Variants in CCDC149 observed in about 807,000 individuals in gnomAD.
The protein encoded by CCDC149 is coiled-coil domain-containing protein 149.
CCDC149 carries 45 observed loss-of-function variants against 59.9 expected under a neutral mutation model. The observed-to-expected ratio is 0.75, with a 90% CI of 0.59 to 0.96. CCDC149 has a LOEUF of 0.96. Ranked by LOEUF, CCDC149 falls within the 40% of genes least tolerant of loss-of-function variation. The pLI is 0.00. For missense variants in CCDC149, 584 were observed against 664.7 expected, an observed-to-expected ratio of 0.88 and a Z score of 1.33; for synonymous variants, 245 against 260.6, an observed-to-expected ratio of 0.94 and a Z score of 0.58.
At chr4:24,936,337 A>G (rs1722778803) in intron 1 of CCDC149, among the ~76,000 whole-genome samples, 1 of 152,024 alleles carries the variant, frequency 6.6e-6, no homozygotes, top group African/African-American at 2.4e-5. Flanking sequence ...GAAATATATC[A>G]ATCATTATAT....
intron 1 of CCDC149, among the ~76,000 whole-genome samples, chr4:24,952,795 A>G (rs910804216): frequency 3.3e-5 from 5 of 151,578 alleles, no homozygotes; most frequent in Admixed American, 2.6e-4. Context: ...TTTATCTTGC[A>G]AAACTGAAAC....
At chr4:24,832,705 G>T (rs1386546985) in intron 8 of CCDC149, among the ~76,000 whole-genome samples, 1 of 152,114 alleles carries the variant, frequency 6.6e-6, no homozygotes, top group Non-Finnish European at 1.5e-5. Flanking sequence ...GAATATTACA[G>T]TGTGGTATAC....
intron 1 of CCDC149, among the ~76,000 whole-genome samples, chr4:24,952,060 C>T (rs1723306589): frequency 6.6e-6 from 1 of 152,052 alleles, no homozygotes; most frequent in Non-Finnish European, 1.5e-5. Flanking sequence ...CTCAGATCAT[C>T]CTCTTTCTCA....
At position 24,893,857 on chromosome 4, in the gene CCDC149, C is replaced by T. The variant is rs188432928; in HGVS notation, c.64-17160G>A. ...CTGACCTCAGGTGATCCGCCCGCCT[C>T]GGCCTCCCAAAGTGCTGAGATTACA... is the stretch of plus-strand genomic sequence containing the variant. On this transcript the variant is annotated intron_variant, in intron 1 of 12. Transcript: ENST00000635206. Among the ~76,000 whole-genome samples the T allele has an allele frequency of 1.6e-4, 25 of 152,020 alleles. No homozygotes were observed. In the East Asian group the frequency reaches 3.3e-3, roughly 20 times the overall value.
chr4:24,834,090 C>G (rs781079511), intron 8 of CCDC149, among the ~76,000 whole-genome samples: 44 of 152,058 alleles, frequency 2.9e-4, no homozygotes, highest in Non-Finnish European at 5.3e-4. Context: ...TTTTGAAAAA[C>G]AATTCTAGGG....
chr4:24,979,033 A>C (rs1178662312), intron 1 of CCDC149, among the ~76,000 whole-genome samples: 1 of 152,204 alleles, frequency 6.6e-6, no homozygotes, highest in Non-Finnish European at 1.5e-5. Context: ...ATTGCAGGGA[A>C]CACTTTGAGA....
intron 3 of CCDC149, among the ~76,000 whole-genome samples, chr4:24,861,704 G>C (rs544236681): frequency 6.6e-6 from 1 of 152,098 alleles, no homozygotes; most frequent in Admixed American, 6.5e-5. Context: ...ATTTGGCAAT[G>C]ACCATGATGT....
At chr4:24,962,112 A>G (rs1162611539) in intron 1 of CCDC149, among the ~76,000 whole-genome samples, 1 of 152,026 alleles carries the variant, frequency 6.6e-6, no homozygotes, top group Non-Finnish European at 1.5e-5. Flanking sequence ...ACAAATTTAC[A>G]AGAAAAAAAC....
intron 12 of CCDC149, among the ~76,000 whole-genome samples, chr4:24,816,767 A>ATT (rs1338061690): frequency 6.6e-6 from 1 of 152,194 alleles, no homozygotes; most frequent in Non-Finnish European, 1.5e-5. Flanking sequence ...TGACACAAAT[A>ATT]GTGTGGAAAG....
chr4:24,915,619 G>A (rs1722100471), upstream of CCDC149, among the ~76,000 whole-genome samples: 1 of 152,288 alleles, frequency 6.6e-6, no homozygotes, highest in South Asian at 2.1e-4. Flanking sequence ...AAATAAAGCT[G>A]GGGAGCAAAA....
At position 24,808,181 on chromosome 4, in the gene CCDC149, C is replaced by T. The variant is rs1387509688; in HGVS notation, c.*208G>A. 2 of 406,634 alleles carry T rather than the reference C, an allele frequency of 4.9e-6. No individual in the cohort carries two copies. The highest frequency in any genetic ancestry group is 4.0e-5 in the Admixed American group (1 of 24,912). The allele number at this position is 406,634 out of a possible 1,614,324, so 25.2% of individuals were successfully genotyped here. A position where few individuals can be genotyped will look rare whatever the true frequency, so the allele number is the denominator to read the frequency against. ...ACTCTCTGGCAGAAAAGAGATGACA[C>T]TGAGAAGCTTGAGGACCTACATTTA... On this transcript the variant is annotated 3_prime_UTR_variant, in exon 13 of 13. Transcript: ENST00000635206.
At chr4:24,894,999 T>G in intron 1 of CCDC149, 1 of 1,536,196 alleles carries the variant, frequency 6.5e-7, no homozygotes, top group Non-Finnish European at 8.7e-7. Context: ...TACCTCAGAA[T>G]CCCAAGTGGC....
At chr4:24,829,416 C>CAGAAGATGGAGAA in intron 9 of CCDC149, 1 of 151,946 alleles carries the variant, frequency 6.6e-6, no homozygotes, top group Non-Finnish European at 1.5e-5. Flanking sequence ...GGAAAAAGCA[C>CAGAAGATGGAGAA]AGAAGATGGA....
chr4:24,941,485 A>G (rs1722952519), intron 1 of CCDC149, among the ~76,000 whole-genome samples: 1 of 152,208 alleles, frequency 6.6e-6, no homozygotes, highest in African/African-American at 2.4e-5. Context: ...CAATTAAAAG[A>G]ACTAGGGAAG....
chr4:24,804,509 AG>A (rs1400072970), downstream of CCDC149, among the ~76,000 whole-genome samples: 10 of 147,114 alleles, frequency 6.8e-5, no homozygotes, highest in Non-Finnish European at 1.4e-4. Context: ...AAAAAAAAAA[AG>A]AAGTAGGGTA....
chr4:24,883,250 T>C (rs74843173), intron 1 of CCDC149, among the ~76,000 whole-genome samples: 1 of 151,598 alleles, frequency 6.6e-6, no homozygotes, highest in South Asian at 2.1e-4. Context: ...AATATCAGGG[T>C]GTATCCCCTG....
chr4:24,919,598 G>C (rs1211274508), intron 1 of CCDC149, among the ~76,000 whole-genome samples: 1 of 152,220 alleles, frequency 6.6e-6, no homozygotes, highest in African/African-American at 2.4e-5. Context: ...TGGAAAGCAT[G>C]AATGGGTGAT....
At position 24,806,200 on chromosome 4, in the gene CCDC149, G is replaced by GT. The variant is rs898322459; in HGVS notation, c.*2188dup. On this transcript the variant is annotated 3_prime_UTR_variant, in exon 13 of 13. Coordinates refer to ENST00000635206, the MANE Select transcript of CCDC149 (RefSeq NM_001330643.2). ...AGCAGGGGCAGGACACACGTGTCGC[G>GT]TATCTATGGGGTGTTATCAGGGTTA... The GT allele has an allele frequency of 2.6e-5, 4 of 152,170 alleles. No homozygotes were observed. Among genetic ancestry groups the GT allele is most frequent in the Non-Finnish European group, 4.4e-5 (3 of 68,042 alleles). 9.4% of individuals were successfully genotyped at this position (152,170 alleles called of 1,614,324 possible).
chr4:24,832,151 G>A (rs925082436), intron 8 of CCDC149, among the ~76,000 whole-genome samples: 1 of 152,148 alleles, frequency 6.6e-6, no homozygotes, highest in African/African-American at 2.4e-5. Flanking sequence ...TATTTAAAGT[G>A]CAAAATATAT....
Sources: allele counts gnomAD v4.1 joint callset (sites outside exome capture counted in the v4.1 genomes callset), GRCh38; gene constraint gnomAD v4.1.1; transcripts MANE v1.5; gene names NCBI Gene and HGNC (gene_info 2026-07-23, HGNC 2026-07-21).